Variants in ZSWIM1 observed in about 807,000 individuals in gnomAD.
ZSWIM1 encodes zinc finger SWIM-type containing 1.
A neutral mutation model predicts 29.3 loss-of-function variants in ZSWIM1; 22 were observed. That is an observed-to-expected ratio of 0.75 (90% CI 0.54 to 1.07). ZSWIM1 has a LOEUF of 1.07. ZSWIM1 is among the 50% of genes least tolerant of loss of function. The pLI is 0.00. For synonymous variants in ZSWIM1, 228 were observed against 240.8 expected (o/e 0.95, Z 0.49); for missense variants, 511 against 596.2 (o/e 0.86, Z 1.49).
Position 45,882,787 on chromosome 20 carries a change from C to T in ZSWIM1, c.195C>T (p.Ser65=), listed in dbSNP as rs112995079. Residue 65 remains serine (S), a synonymous_variant, in exon 2 of 2, where the codon AGC becomes AGT. Transcript: ENST00000372523. The part of the protein sequence containing the change: ...TAQLDTFNYQ[S]CFMQSVFDHF... ...AGTTAGATACCTTCAACTACCAGAG[C>T]TGCTTTATGCAAAGTGTCTTTGACC... The T allele has an allele frequency of 6.2e-7, 1 of 1,614,266 alleles. No homozygotes were observed. Among genetic ancestry groups the T allele is most frequent in the East Asian group, 2.2e-5 (1 of 44,892 alleles).
chr20:45,883,665 C>T lies in ZSWIM1; in HGVS notation c.1073C>T (p.Ser358Phe), dbSNP rs1449266246. The T allele has an allele frequency of 6.2e-7, 1 of 1,614,190 alleles. No individual in the cohort carries two copies. Among genetic ancestry groups the T allele is most frequent in the Admixed American group, 1.7e-5 (1 of 60,018 alleles). The stretch of plus-strand genomic sequence containing the variant: ...CAGAAATCCACACACCTCATTGGCT[C>T]TGGCTCAGAAAAGATGAACATACAG... ...VVQKSTHLIG[S>F]GSEKMNIQIL... The change falls in exon 2 of 2, where the codon TCT becomes TTT. Residue 358 changes from serine to phenylalanine, a missense_variant. Physicochemically the swap from Ser to Phe is radical, Grantham distance 155 (BLOSUM62 -2). Transcript: ENST00000372523.
In ZSWIM1 at chr20:45,884,313, C is replaced by T. The variant is rs1422833505; in HGVS notation, c.*263C>T. ...TTTAGTTTACTCAGGTGGCCACATA[C>T]AGTCTCTGTTGTATATTCTTGGTTT... On this transcript the variant is annotated 3_prime_UTR_variant, in exon 2 of 2. Transcript: ENST00000372523. 7.4e-6 allele frequency: 3 copies of T among 404,246 alleles called. No individual in the cohort carries two copies. Among genetic ancestry groups the T allele is most frequent in the African/African-American group, 2.1e-5 (1 of 47,280 alleles). The allele number at this position is 404,246 out of a possible 1,614,324, so 25.0% of individuals were successfully genotyped here. A position where few individuals can be genotyped will look rare whatever the true frequency, so the allele number is the denominator to read the frequency against.
In ZSWIM1 at chr20:45,883,912, C is replaced by G. The variant is rs1568754256; in HGVS notation, c.1320C>G (p.His440Gln). 6.2e-7 allele frequency: 1 copy of G among 1,614,026 alleles called. No homozygotes were observed. The highest frequency in any genetic ancestry group is 1.1e-5 in the South Asian group (1 of 91,090). Residue 440 changes from histidine (H) to glutamine (Q), a missense_variant, in exon 2 of 2, where the codon CAC becomes CAG. Physicochemically the swap from His to Gln is conservative, Grantham distance 24. Transcript: ENST00000372523. ...AGTGGAGTGAGACCCTGGATAAGCA[C>G]CTGGCAGTGACTCACCTCACCGAGG... ...GSKWSETLDKHLAVTHLTEEV... is the reference protein window; with the variant it reads ...GSKWSETLDKQLAVTHLTEEV...
In ZSWIM1 at chr20:45,883,181, TC is replaced by T; in HGVS notation, c.592del (p.Leu198CysfsTer13). The T allele has an allele frequency of 6.2e-7, 1 of 1,613,900 alleles. No individual in the cohort carries two copies. Among genetic ancestry groups the T allele is most frequent in the Non-Finnish European group, 8.5e-7 (1 of 1,180,018 alleles). ...ERPVERLLLT[S>X]LQSTMCSATA... ...GCCCGTGGAAAGGCTGCTCCTGACC[TC>T]CCTGCAGAGCACAATGTGCTCAGCC... On this transcript the variant is annotated frameshift_variant, in exon 2 of 2. Coordinates refer to ENST00000372523, the MANE Select transcript of ZSWIM1 (RefSeq NM_080603.5). LOFTEE classifies it high-confidence loss of function.
At chr20:45,881,543 C>T (rs1476558423) in intron 1 of ZSWIM1, among the ~76,000 whole-genome samples, 1 of 152,214 alleles carries the variant, frequency 6.6e-6, no homozygotes, top group Non-Finnish European at 1.5e-5. Flanking sequence ...GGGCAAGTCA[C>T]TTAGCTTCTT....
In ZSWIM1 at chr20:45,883,967, AAGG is replaced by A. The variant is rs776644609; in HGVS notation, c.1381_1383del (p.Glu461del). 1 of 1,614,164 alleles carries A rather than the reference AAGG, an allele frequency of 6.2e-7. No individual in the cohort carries two copies. Among genetic ancestry groups the A allele is most frequent in the African/African-American group, 1.3e-5 (1 of 75,068 alleles). On this transcript the variant is annotated inframe_deletion, in exon 2 of 2. Coordinates refer to ENST00000372523, the MANE Select transcript of ZSWIM1 (RefSeq NM_080603.5). Reference sequence around the variant, plus strand: ...GGGTCAGCTGTTGCAGCACTGCACCAAGGAGGAGTTTGAGCGGAGGTATAGCAC... The same window carrying A: ...GGGTCAGCTGTTGCAGCACTGCACCAAGGAGTTTGAGCGGAGGTATAGCAC...
rs996482113 is a variant in ZSWIM1, at chr20:45,882,980, C to G, written c.388C>G (p.Gln130Glu). The stretch of plus-strand genomic sequence containing the variant: ...CACTGAAGGCCTGGCCCAGATGTTC[C>G]AAGTATTCAAGAAGTTTAATCCAGC... ...EDTEGLAQMF[Q>E]VFKKFNPAWE... The change falls in exon 2 of 2, where the codon CAA becomes GAA. Residue 130 changes from glutamine to glutamate, a missense_variant. Gln to Glu is a conservative substitution (Grantham distance 29). Transcript: ENST00000372523. 1.2e-5 allele frequency: 20 copies of G among 1,614,180 alleles called. No homozygotes were observed. Among genetic ancestry groups the G allele is most frequent in the Non-Finnish European group, 1.7e-5 (20 of 1,180,038 alleles).
rs1338695914 is a variant in ZSWIM1 at position 45,883,185 on chromosome 20, T to A, written c.593T>A (p.Leu198Gln). 2 of 1,614,004 alleles carry A rather than the reference T, an allele frequency of 1.2e-6. No homozygotes were observed. The highest frequency in any genetic ancestry group is 3.3e-5 in the Admixed American group (2 of 60,020). ...RPVERLLLTS[L>Q]QSTMCSATAG... ...GTGGAAAGGCTGCTCCTGACCTCCC[T>A]GCAGAGCACAATGTGCTCAGCCACA... The change falls in exon 2 of 2, where the codon CTG (leucine) becomes CAG (glutamine). Residue 198 changes from leucine to glutamine, a missense_variant. Transcript: ENST00000372523.
At position 45,883,410 on chromosome 20, in the gene ZSWIM1, C is replaced by T. The variant is rs1162405210; in HGVS notation, c.818C>T (p.Pro273Leu). 1 of 1,614,242 alleles carries T rather than the reference C, an allele frequency of 6.2e-7. No homozygotes were observed. The highest frequency in any genetic ancestry group is 8.5e-7 in the Non-Finnish European group (1 of 1,180,040). ...CTCAGCCAGTTCTTTGGTACCACCC[C>T]ATCTGAGAAACAAGGTATGGCTTCT... ...HILSQFFGTT[P>L]SEKQGMASLF... is the part of the protein sequence containing the mutation. Residue 273 changes from proline to leucine, a missense_variant, in exon 2 of 2, where the codon CCA becomes CTA. By Grantham distance (98) the Pro-to-Leu change is moderately conservative. Transcript: ENST00000372523.
In ZSWIM1 at chr20:45,883,794, T is replaced by C. The variant is rs1200400256; in HGVS notation, c.1202T>C (p.Leu401Pro). The C allele has an allele frequency of 6.2e-7, 1 of 1,613,678 alleles. No homozygotes were observed. The highest frequency in any genetic ancestry group is 8.5e-7 in the Non-Finnish European group (1 of 1,179,990). Residue 401 changes from leucine (L) to proline (P), a missense_variant, in exon 2 of 2, where the codon CTC becomes CCC. Leu to Pro is a moderately conservative substitution (Grantham distance 98). Transcript: ENST00000372523. ...CCCTGCCGCCACATCCTAGCCATGC[T>C]CAGTGCCCGCCGCCAGGTGCTCCAG... ...HLPCRHILAMLSARRQVLQPD... is the reference protein window; with the variant it reads ...HLPCRHILAMPSARRQVLQPD...
At chr20:45,882,470 G>T (rs1232840395) in intron 1 of ZSWIM1, 63 bp from the exon 2 acceptor site, 3 of 1,179,438 alleles carry the variant, frequency 2.5e-6, no homozygotes, top group Admixed American at 4.7e-5. Context: ...CAAATATTGT[G>T]TGGATGAATA....
rs750505217 is a variant in ZSWIM1 at position 45,884,357 on chromosome 20, CT to C, written c.*330del. ...TTGGTTTTGTTTTAATATTTTTTTT[CT>C]TTTTTTTTTTTTTTTTTTTTTTGAG... is the stretch of plus-strand genomic sequence containing the variant. On this transcript the variant is annotated 3_prime_UTR_variant, in exon 2 of 2. Coordinates refer to ENST00000372523, the MANE Select transcript of ZSWIM1 (RefSeq NM_080603.5). 2.2e-3 allele frequency: 201 copies of C among 92,736 alleles called. 7 individuals are homozygous for C. The highest frequency in any genetic ancestry group is 4.2e-3 in the South Asian group (11 of 2,604). The allele number at this position is 92,736 out of a possible 1,614,324, so 5.7% of individuals were successfully genotyped here.
In ZSWIM1 at chr20:45,883,363, C is replaced by T. The variant is rs1485726806; in HGVS notation, c.771C>T (p.Ser257=). Residue 257 remains serine (S), a synonymous_variant, in exon 2 of 2, where the codon AGC becomes AGT. Coordinates refer to ENST00000372523, the MANE Select transcript of ZSWIM1 (RefSeq NM_080603.5). ...CTGAGAGCAGCCACTACTTCCAGAG[C>T]CTCGAGGTCACCACCCACATCCTCA... The part of the protein sequence containing the change: ...SRAESSHYFQ[S]LEVTTHILSQ... 5 of 1,614,116 alleles carry T rather than the reference C, an allele frequency of 3.1e-6. No homozygotes were observed. The East Asian group carries it at 6.7e-5, about 22-fold the overall frequency.
Position 45,882,797 on chromosome 20 carries a change from C to G in ZSWIM1, c.205C>G (p.Gln69Glu), listed in dbSNP as rs772621010. ...DTFNYQSCFMQSVFDHFPEIL... is the reference protein window; with the variant it reads ...DTFNYQSCFMESVFDHFPEIL... The stretch of plus-strand genomic sequence containing the variant: ...CTTCAACTACCAGAGCTGCTTTATG[C>G]AAAGTGTCTTTGACCATTTCCCTGA... Residue 69 changes from glutamine (Q) to glutamate (E), a missense_variant, in exon 2 of 2, where the codon CAA (glutamine) becomes GAA (glutamate). Transcript: ENST00000372523. 56 of 1,614,124 alleles carry G rather than the reference C, an allele frequency of 3.5e-5. No individual in the cohort carries two copies. The highest frequency in any genetic ancestry group is 4.7e-5 in the Non-Finnish European group (55 of 1,180,056).
In ZSWIM1 at chr20:45,883,438, G is replaced by A. The variant is rs149144494; in HGVS notation, c.846G>A (p.Leu282=). The A allele has an allele frequency of 6.8e-6, 11 of 1,614,112 alleles. No individual in the cohort carries two copies. The Middle Eastern group carries it at 6.6e-4, about 96-fold the overall frequency. ...TPSEKQGMAS[L]FRYMQQNSAD... ...CTGAGAAACAAGGTATGGCTTCTCT[G>A]TTCCGTTACATGCAGCAGAACTCTG... The change falls in exon 2 of 2, where the codon CTG becomes CTA. Residue 282 remains leucine (L), a synonymous_variant. Coordinates refer to ENST00000372523, the MANE Select transcript of ZSWIM1 (RefSeq NM_080603.5).
At chr20:45,882,350 A>C (rs1339430587) in intron 1 of ZSWIM1, among the ~76,000 whole-genome samples, 183 bp from the exon 2 acceptor site, 1 of 152,166 alleles carries the variant, frequency 6.6e-6, no homozygotes, top group Non-Finnish European at 1.5e-5. Flanking sequence ...CATGTTACTC[A>C]GGTTTATGGT....
In ZSWIM1 at chr20:45,883,588, C is replaced by A. The variant is rs1986367560; in HGVS notation, c.996C>A (p.Ala332=). 1 of 1,614,260 alleles carries A rather than the reference C, an allele frequency of 6.2e-7. No individual in the cohort carries two copies. Among genetic ancestry groups the A allele is most frequent in the Non-Finnish European group, 8.5e-7 (1 of 1,180,052 alleles). The change falls in exon 2 of 2, where the codon GCC becomes GCA. Residue 332 remains alanine, a synonymous_variant. Coordinates refer to ENST00000372523, the MANE Select transcript of ZSWIM1 (RefSeq NM_080603.5). ...VESHIQHSLN[A]ICTGPAAQLC... Reference sequence around the variant, plus strand: ...CCCACATCCAGCACTCCCTCAATGCCATCTGCACAGGGCCAGCAGCCCAAC... The same window carrying A: ...CCCACATCCAGCACTCCCTCAATGCAATCTGCACAGGGCCAGCAGCCCAAC...
rs1332838048 is a variant in ZSWIM1, at chr20:45,885,206, T to A, written c.*1156T>A. Reference sequence around the variant, plus strand: ...CTCTGGGGAGCTGACTCAGCCAGGCTCCCTGAACTTTTTTCCTTGTCCCAT... The same window carrying A: ...CTCTGGGGAGCTGACTCAGCCAGGCACCCTGAACTTTTTTCCTTGTCCCAT... On this transcript the variant is annotated 3_prime_UTR_variant, in exon 2 of 2. Transcript: ENST00000372523. The A allele has an allele frequency of 1.2e-5, 2 of 166,814 alleles. No homozygotes were observed. Among genetic ancestry groups the A allele is most frequent in the Admixed American group, 1.3e-4 (2 of 15,274 alleles). 10.3% of individuals were successfully genotyped at this position (166,814 alleles called of 1,614,324 possible). A position where few individuals can be genotyped will look rare whatever the true frequency, so the allele number is the denominator to read the frequency against.
chr20:45,882,641 T>C lies in ZSWIM1; in HGVS notation c.49T>C (p.Tyr17His), dbSNP rs773736448. The C allele has an allele frequency of 2.5e-6, 4 of 1,614,016 alleles. No individual in the cohort carries two copies. The African/African-American group carries it at 5.3e-5, about 22-fold the overall frequency. ...APWSAALQRK[Y>H]FDLGIWTAPI... ...GTGGTCAGCTGCCCTGCAAAGAAAG[T>C]ATTTTGACCTTGGCATTTGGACAGC... The change falls in exon 2 of 2, where the codon TAT becomes CAT. Residue 17 changes from tyrosine to histidine, a missense_variant. Coordinates refer to ENST00000372523, the MANE Select transcript of ZSWIM1 (RefSeq NM_080603.5).
Sources: allele counts gnomAD v4.1 joint callset (sites outside exome capture counted in the v4.1 genomes callset), GRCh38; gene constraint gnomAD v4.1.1; transcripts MANE v1.5; gene names NCBI Gene and HGNC (gene_info 2026-07-23, HGNC 2026-07-21).